Variants in RBFOX1 observed in about 807,000 individuals in gnomAD.
The protein encoded by RBFOX1 is RNA binding protein fox-1 homolog 1.
Under a neutral mutation model 57.7 loss-of-function variants are expected in RBFOX1, and 8 were observed. That is an observed-to-expected ratio of 0.14 (90% confidence interval 0.08 to 0.25). The LOEUF (loss-of-function observed/expected upper bound fraction) is 0.25, where lower values mean the gene tolerates loss of function less well. Among genes scored for constraint, RBFOX1 ranks in the 10% least tolerant of loss-of-function variants. The pLI is 1.00. For synonymous variants in RBFOX1, 326 were observed against 222.4 expected (o/e 1.47, Z -4.15); for missense variants, 611 against 548.5 (o/e 1.11, Z -1.14).
intron 4 of RBFOX1, among the ~76,000 whole-genome samples, chr16:7,425,775 G>A (rs1053918298): frequency 6.6e-6 from 1 of 152,332 alleles, no homozygotes; most frequent in Admixed American, 6.5e-5. Context: ...GAACTGGGGA[G>A]AGAAAGGATC....
intron 4 of RBFOX1, among the ~76,000 whole-genome samples, chr16:7,277,246 A>G (rs2095458162): frequency 6.6e-6 from 1 of 152,142 alleles, no homozygotes; most frequent in Admixed American, 6.5e-5. Flanking sequence ...GTTGGTTATT[A>G]TCAAAGATGA....
At chr16:5,271,348 C>G (rs1292906118) in intron 1 of RBFOX1, among the ~76,000 whole-genome samples, 1 of 142,198 alleles carries the variant, frequency 7.0e-6, no homozygotes, top group Non-Finnish European at 1.6e-5. Context: ...CAGAAGAAGA[C>G]CCTGTCTCTT....
At chr16:6,183,656 G>A (rs2097084446) in intron 1 of RBFOX1, among the ~76,000 whole-genome samples, 1 of 152,054 alleles carries the variant, frequency 6.6e-6, no homozygotes, top group Non-Finnish European at 1.5e-5. Flanking sequence ...AGATTCACGT[G>A]GATGTCTAGA....
chr16:6,894,898 C>G (rs553500051), intron 3 of RBFOX1, among the ~76,000 whole-genome samples: 64 of 152,218 alleles, frequency 4.2e-4, no homozygotes, highest in Non-Finnish European at 8.7e-4. Flanking sequence ...TAGCATGTGG[C>G]TTTCTCAGCT....
At chr16:6,082,545 C>T (rs1481553359) in intron 1 of RBFOX1, among the ~76,000 whole-genome samples, 1 of 151,536 alleles carries the variant, frequency 6.6e-6, no homozygotes, top group Non-Finnish European at 1.5e-5. Context: ...TGTCTTTTCC[C>T]TTTCAAATAG....
chr16:7,164,595 G>C (rs2079047483), intron 4 of RBFOX1, among the ~76,000 whole-genome samples: 1 of 152,150 alleles, frequency 6.6e-6, no homozygotes, highest in Non-Finnish European at 1.5e-5. Flanking sequence ...CTTGTCTAGA[G>C]AAAACCACTT....
intron 3 of RBFOX1, among the ~76,000 whole-genome samples, chr16:6,854,752 G>A (rs2057502530): frequency 6.6e-6 from 1 of 151,678 alleles, no homozygotes; most frequent in Non-Finnish European, 1.5e-5. Flanking sequence ...CTGCCATTGC[G>A]CCCGGCTAAT....
intron 2 of RBFOX1, among the ~76,000 whole-genome samples, chr16:6,326,227 A>G (rs146573338): frequency 0.011 from 1,605 of 152,290 alleles, 36 homozygotes; most frequent in African/African-American, 0.036. Flanking sequence ...TCATTGATTC[A>G]TTCATAAATA....
intron 1 of RBFOX1, among the ~76,000 whole-genome samples, chr16:5,407,837 C>T (rs534350041): frequency 1.3e-5 from 2 of 152,308 alleles, no homozygotes; most frequent in African/African-American, 4.8e-5. Flanking sequence ...GCGTGAGCCA[C>T]TGCACATGGC....
At chr16:6,629,415 C>G (rs1455037500) in intron 2 of RBFOX1, among the ~76,000 whole-genome samples, 1 of 152,208 alleles carries the variant, frequency 6.6e-6, no homozygotes, top group African/African-American at 2.4e-5. Flanking sequence ...TACAATTTTT[C>G]AAAGTCAGCC....
chr16:6,244,435 G>A (rs2097557723), intron 1 of RBFOX1, among the ~76,000 whole-genome samples: 1 of 152,140 alleles, frequency 6.6e-6, no homozygotes, highest in East Asian at 1.9e-4. Flanking sequence ...GGATAACATG[G>A]TCTGCAGTGC....
intron 3 of RBFOX1, among the ~76,000 whole-genome samples, chr16:6,938,577 A>T (rs1567976302): frequency 1.3e-5 from 2 of 148,576 alleles, no homozygotes; most frequent in East Asian, 4.1e-4. Flanking sequence ...TTTTCTCTTC[A>T]TTTTTTTTTC....
intron 4 of RBFOX1, among the ~76,000 whole-genome samples, chr16:7,340,079 T>G (rs956647845): frequency 6.6e-6 from 1 of 152,202 alleles, no homozygotes; most frequent in Non-Finnish European, 1.5e-5. Flanking sequence ...CATCTCCAAA[T>G]CAATCATCTA....
intron 4 of RBFOX1, among the ~76,000 whole-genome samples, chr16:7,055,494 C>G (rs1300953771): frequency 6.6e-6 from 1 of 152,120 alleles, no homozygotes; most frequent in Non-Finnish European, 1.5e-5. Flanking sequence ...TGCCATCTAC[C>G]CCATATCACG....
chr16:6,076,309 A>C (rs1260082103), intron 1 of RBFOX1, among the ~76,000 whole-genome samples: 2 of 151,636 alleles, frequency 1.3e-5, no homozygotes, highest in African/African-American at 2.4e-5. Flanking sequence ...CAAAAAAAAA[A>C]AACAACAAAC....
chr16:5,670,734 A>G (rs1217058301), intron 3 of RBFOX1, among the ~76,000 whole-genome samples: 1 of 152,222 alleles, frequency 6.6e-6, no homozygotes, highest in Non-Finnish European at 1.5e-5. Flanking sequence ...TGAGTCTCTC[A>G]TATGTGCCTG....
chr16:7,655,535 G>A (rs1597401971), intron 12 of RBFOX1, among the ~76,000 whole-genome samples: 2 of 152,016 alleles, frequency 1.3e-5, no homozygotes, highest in South Asian at 4.1e-4. Context: ...TTTATCTCTG[G>A]TATCACAGCA....
At chr16:6,888,333 T>C (rs1256316965) in intron 3 of RBFOX1, among the ~76,000 whole-genome samples, 1 of 152,196 alleles carries the variant, frequency 6.6e-6, no homozygotes, top group African/African-American at 2.4e-5. Context: ...CAATATACAA[T>C]GAATCACTGA....
chr16:7,073,030 G>C (rs989037413), intron 4 of RBFOX1, among the ~76,000 whole-genome samples: 1 of 152,178 alleles, frequency 6.6e-6, no homozygotes, highest in Admixed American at 6.5e-5. Flanking sequence ...CACAGGGAGG[G>C]TTAACTGTGA....
Sources: allele counts gnomAD v4.1 joint callset (sites outside exome capture counted in the v4.1 genomes callset), GRCh38; gene constraint gnomAD v4.1.1; transcripts MANE v1.5; gene names NCBI Gene and HGNC (gene_info 2026-07-23, HGNC 2026-07-21).